AFG2A: variants seen among roughly 807,000 people sequenced by gnomAD.
The protein encoded by AFG2A is AAA ATPase AFG2A.
chr4:123,024,793 G>A, the AFG2A span, among the ~76,000 whole-genome samples: 2 of 152,182 alleles, frequency 1.3e-5, no homozygotes, highest in African/African-American at 4.8e-5. Context: ...CTAAAAGACA[G>A]TAGGCCTTTT....
chr4:123,260,883 G>A, the AFG2A span, among the ~76,000 whole-genome samples: 4 of 152,146 alleles, frequency 2.6e-5, no homozygotes, highest in South Asian at 6.2e-4. Context: ...TCCTGGCCAC[G>A]GACCAGCACC....
chr4:122,938,400 T>C, the AFG2A span: 1 of 966,550 alleles, frequency 1.0e-6, no homozygotes, highest in African/African-American at 1.7e-5. Flanking sequence ...ATCTGTAAAA[T>C]AATTTGCTTT....
At chr4:123,178,042 A>G in the AFG2A span, among the ~76,000 whole-genome samples, 1 of 152,238 alleles carries the variant, frequency 6.6e-6, no homozygotes, top group Non-Finnish European at 1.5e-5. Flanking sequence ...AATCATCTCT[A>G]TAATTTACAT....
chr4:122,983,588 A>C, the AFG2A span, among the ~76,000 whole-genome samples: 3 of 151,946 alleles, frequency 2.0e-5, no homozygotes, highest in East Asian at 5.8e-4. Flanking sequence ...TATGTTGTTT[A>C]ATTTCCAGAT....
chr4:123,059,400 A>G, the AFG2A span, among the ~76,000 whole-genome samples: 21 of 147,420 alleles, frequency 1.4e-4, no homozygotes, highest in Admixed American at 2.1e-4. Context: ...GAGAATATGC[A>G]GTGTTTGGTT....
chr4:122,946,822 T>C, the AFG2A span, among the ~76,000 whole-genome samples: 4 of 152,174 alleles, frequency 2.6e-5, no homozygotes, highest in African/African-American at 4.8e-5. Context: ...TATTTGAGTA[T>C]TATATGTGTC....
chr4:123,047,659 T>C, the AFG2A span, among the ~76,000 whole-genome samples: 1 of 152,040 alleles, frequency 6.6e-6, no homozygotes, highest in Admixed American at 6.6e-5. Flanking sequence ...TTCCCCAAGT[T>C]TTCTTCTAGT....
the AFG2A span, among the ~76,000 whole-genome samples, chr4:123,139,875 A>G: frequency 2.0e-4 from 30 of 152,172 alleles, no homozygotes; most frequent in South Asian, 2.7e-3. Context: ...ATTATTTAAT[A>G]TGAGCTTTTT....
the AFG2A span, among the ~76,000 whole-genome samples, chr4:122,939,075 C>T: frequency 3.4e-3 from 346 of 102,064 alleles, 110 homozygotes; most frequent in Middle Eastern, 6.8e-3. Context: ...TATGTTCTTT[C>T]TTTTTTTTTT....
the AFG2A span, among the ~76,000 whole-genome samples, chr4:123,017,742 A>T: frequency 6.6e-6 from 1 of 152,060 alleles, no homozygotes; most frequent in African/African-American, 2.4e-5. Flanking sequence ...TGCCAGCCCA[A>T]TTGTGACTGC....
the AFG2A span, among the ~76,000 whole-genome samples, chr4:123,096,197 T>G: frequency 6.6e-6 from 1 of 151,038 alleles, no homozygotes; most frequent in Admixed American, 6.6e-5. Context: ...CCTGCTTAGA[T>G]AGTGAAGAGA....
chr4:123,127,441 T>A, the AFG2A span, among the ~76,000 whole-genome samples: 2 of 152,188 alleles, frequency 1.3e-5, no homozygotes, highest in Non-Finnish European at 2.9e-5. Flanking sequence ...GTTTTTCTGC[T>A]TAGGACACAA....
chr4:123,129,933 A>G, the AFG2A span, among the ~76,000 whole-genome samples: 1 of 152,054 alleles, frequency 6.6e-6, no homozygotes, highest in South Asian at 2.1e-4. Flanking sequence ...ATCCTTGATC[A>G]TACACGTGAG....
chr4:123,256,585 G>C, the AFG2A span: 4 of 550,124 alleles, frequency 7.3e-6, no homozygotes, highest in Non-Finnish European at 9.2e-6. Flanking sequence ...GGAGAGCATA[G>C]AAATAAAATT....
chr4:123,155,380 A>G, the AFG2A span, among the ~76,000 whole-genome samples: 2 of 152,012 alleles, frequency 1.3e-5, no homozygotes, highest in Non-Finnish European at 2.9e-5. Context: ...ACCCAGTCTT[A>G]TCCCTATTAT....
At chr4:123,148,322 A>G in the AFG2A span, among the ~76,000 whole-genome samples, 1 of 152,166 alleles carries the variant, frequency 6.6e-6, no homozygotes, top group Non-Finnish European at 1.5e-5. Flanking sequence ...TTTGTTGAAA[A>G]GTGGGGAGTG....
At chr4:123,247,687 C>A in the AFG2A span, among the ~76,000 whole-genome samples, 1 of 152,160 alleles carries the variant, frequency 6.6e-6, no homozygotes. Flanking sequence ...CTTAGCCTCC[C>A]AAAGTGCTGG....
the AFG2A span, among the ~76,000 whole-genome samples, chr4:123,093,020 A>G: frequency 6.6e-6 from 1 of 152,314 alleles, no homozygotes; most frequent in South Asian, 2.1e-4. Flanking sequence ...GGATCCTGCA[A>G]AAGCCCTTCG....
chr4:123,262,192 C>T, the AFG2A span, among the ~76,000 whole-genome samples: 1 of 152,144 alleles, frequency 6.6e-6, no homozygotes, highest in Non-Finnish European at 1.5e-5. Context: ...CACACACACT[C>T]GGTGGGCATT....
Sources: allele counts gnomAD v4.1 joint callset (sites outside exome capture counted in the v4.1 genomes callset), GRCh38; gene constraint gnomAD v4.1.1; transcripts MANE v1.5; gene names NCBI Gene and HGNC (gene_info 2026-07-23, HGNC 2026-07-21).